COL6A2: variants seen among roughly 807,000 people sequenced by gnomAD.
The protein encoded by COL6A2 is collagen alpha-2(VI) chain.
Under a neutral mutation model 124.9 loss-of-function variants are expected in COL6A2, and 90 were observed. The ratio of observed to expected loss-of-function variants is 0.72; its 90% confidence interval spans 0.61 to 0.86. The LOEUF is 0.86. COL6A2 is among the 40% of genes least tolerant of loss of function. The pLI, the probability that COL6A2 is intolerant of heterozygous loss-of-function variation, is 0.00. For synonymous variants in COL6A2, 793 were observed against 618.2 expected (o/e 1.28, Z -4.19); for missense variants, 1,607 against 1,502.5 (o/e 1.07, Z -1.15).
chr21:46,127,511 C>T (rs2078690901), intron 27 of COL6A2, among the ~76,000 whole-genome samples: 1 of 152,092 alleles, frequency 6.6e-6, no homozygotes, highest in Non-Finnish European at 1.5e-5. Context: ...AGGCGGGCAG[C>T]CTCTGGCCCC....
At chr21:46,120,792 GCTGCACCCCAAAGTAGGGGA>G (rs2078553700) in intron 16 of COL6A2, among the ~76,000 whole-genome samples, 3 of 151,780 alleles carry the variant, frequency 2.0e-5, no homozygotes, top group African/African-American at 7.3e-5. Flanking sequence ...CAAGGCAAGG[GCTGCACCCCAAAGTAGGGGA>G]CCCAGGTGAG....
chr21:46,132,178 C>T lies in COL6A2; in HGVS notation c.2686C>T (p.His896Tyr). ...GCAGCAGGTGGCCTTCCCGCTGAGCCACAACCTCACGGCCATCCACGAGGC... is the reference window on the plus strand; with the variant it reads ...GCAGCAGGTGGCCTTCCCGCTGAGCTACAACCTCACGGCCATCCACGAGGC... The part of the protein sequence containing the change: ...GEQQVAFPLS[H>Y]NLTAIHEALE... Residue 896 changes from histidine to tyrosine, a missense_variant, in exon 28 of 28, where the codon CAC becomes TAC. Physicochemically the swap from His to Tyr is moderately conservative, Grantham distance 83. Around this residue, in one of 3 missense-constraint regions of COL6A2, gnomAD observed 1,223 missense variants for 1,052.2 expected, o/e 1.16. Transcript: ENST00000300527. The T allele has an allele frequency of 6.4e-7, 1 of 1,573,134 alleles. No individual in the cohort carries two copies. The highest frequency in any genetic ancestry group is 8.6e-7 in the Non-Finnish European group (1 of 1,160,492).
intron 26 of COL6A2, 91 bp downstream of exon 26, chr21:46,126,328 G>A (rs2078667200): frequency 2.6e-6 from 4 of 1,539,512 alleles, no homozygotes; most frequent in African/African-American, 1.4e-5. Context: ...TCACCTGAGG[G>A]ATGAATGTGC....
chr21:46,128,529 G>C (rs2078709308), intron 27 of COL6A2, among the ~76,000 whole-genome samples: 1 of 152,176 alleles, frequency 6.6e-6, no homozygotes, highest in South Asian at 2.1e-4. Flanking sequence ...CCACCCCAAA[G>C]CCCAGCCACC....
intron 21 of COL6A2, 101 bp downstream of exon 21, chr21:46,123,038 G>C: frequency 8.3e-7 from 1 of 1,210,418 alleles, no homozygotes; most frequent in Non-Finnish European, 1.2e-6. Flanking sequence ...ACGCCAGGCA[G>C]CTTGGCCCCA....
chr21:46,118,904 C>T (rs2078517756), intron 13 of COL6A2, 126 bp from the exon 14 acceptor site: 2 of 956,278 alleles, frequency 2.1e-6, no homozygotes, highest in African/African-American at 1.6e-5. Flanking sequence ...CCTGCAGGGC[C>T]CCCATGTGCC....
intron 1 of COL6A2, among the ~76,000 whole-genome samples, chr21:46,109,399 G>GA (rs746344386): frequency 2.6e-5 from 4 of 152,212 alleles, no homozygotes; most frequent in Non-Finnish European, 5.9e-5. Context: ...AGGCCCAGAA[G>GA]AAAGCACCTT....
intron 22 of COL6A2, 26 bp downstream of exon 22, chr21:46,124,739 C>T (rs2078632595): frequency 6.2e-7 from 1 of 1,610,644 alleles, no homozygotes; most frequent in African/African-American, 1.3e-5. Context: ...GTCCCCATGC[C>T]CTCCCCCCAA....
rs770721679 is a variant in COL6A2, at chr21:46,126,140, C to A, written c.2325C>A (p.Ile775=). ...EKHESENLYS[I]ACDKPQQVRN... ...ACGAGAGTGAAAACCTCTACTCCATCGCCTGCGACAAGCCACAGCAGGTGC... is the reference window on the plus strand; with the variant it reads ...ACGAGAGTGAAAACCTCTACTCCATAGCCTGCGACAAGCCACAGCAGGTGC... The change falls in exon 26 of 28, where the codon ATC becomes ATA. Residue 775 remains isoleucine, a synonymous_variant. Transcript: ENST00000300527. The A allele has an allele frequency of 6.2e-7, 1 of 1,611,372 alleles. No homozygotes were observed.
At chr21:46,117,351 G>T (rs1394741541) in intron 10 of COL6A2, 49 bp from the exon 11 acceptor site, 8 of 1,579,936 alleles carry the variant, frequency 5.1e-6, no homozygotes, top group Middle Eastern at 1.7e-4. Flanking sequence ...TGGCACACAT[G>T]GACCCCAGAA....
Position 46,132,054 on chromosome 21 carries a change from C to T in COL6A2, c.2562C>T (p.Arg854=), listed in dbSNP as rs764705513. The stretch of plus-strand genomic sequence containing the variant: ...AGCAGAACTTCCACAAGGCCCGGCG[C>T]TTCGTGGAGCAGGTGGCGCGGCGGC... ...LGEQNFHKAR[R]FVEQVARRLT... The change falls in exon 28 of 28, where the codon CGC becomes CGT. Residue 854 remains arginine, a synonymous_variant. Coordinates refer to ENST00000300527, the MANE Select transcript of COL6A2 (RefSeq NM_001849.4). The T allele has an allele frequency of 5.0e-6, 8 of 1,607,226 alleles. No homozygotes were observed. In the South Asian group the frequency reaches 7.7e-5, roughly 15 times the overall value.
chr21:46,124,933 T>TA lies in COL6A2; in HGVS notation c.1770+13_1770+14insA, dbSNP rs2078637032. ...CCCCGGTCTCACGGTAGGTGTCACA[T>TA]GGGGCAGAACCAGTGTCCTTCTCCT... On this transcript the variant is annotated intron_variant, in intron 23 of 27. Transcript: ENST00000300527. 1 of 1,612,604 alleles carries TA rather than the reference T, an allele frequency of 6.2e-7. No homozygotes were observed. The highest frequency in any genetic ancestry group is 8.5e-7 in the Non-Finnish European group (1 of 1,179,954).
At chr21:46,127,941 C>T (rs1038995361) in intron 27 of COL6A2, among the ~76,000 whole-genome samples, 1 of 152,220 alleles carries the variant, frequency 6.6e-6, no homozygotes, top group Non-Finnish European at 1.5e-5. Context: ...GATAAACCCA[C>T]CTGGCCGTGG....
intron 23 of COL6A2, 119 bp from the exon 24 acceptor site, chr21:46,125,147 C>G: frequency 9.0e-7 from 1 of 1,105,774 alleles, no homozygotes; most frequent in Non-Finnish European, 1.4e-6. Context: ...CGCCAGCCTC[C>G]CCGCATGGCT....
chr21:46,130,629 C>T (rs1455953416), intron 27 of COL6A2, among the ~76,000 whole-genome samples: 1 of 152,228 alleles, frequency 6.6e-6, no homozygotes, highest in Non-Finnish European at 1.5e-5. Context: ...CCCGTCTCCT[C>T]CAGGCCCCAC....
Position 46,132,636 on chromosome 21 carries a change from C to A in COL6A2, c.*84C>A, listed in dbSNP as rs2078778464. On this transcript the variant is annotated 3_prime_UTR_variant, in exon 28 of 28. Transcript: ENST00000300527. Reference sequence around the variant, plus strand: ...GCGGGCCCGGGTCCCACACGGCCAGCACCGCTGCTCACTCGGACGACGCCC... The same window carrying A: ...GCGGGCCCGGGTCCCACACGGCCAGAACCGCTGCTCACTCGGACGACGCCC... 2 of 1,325,454 alleles carry A rather than the reference C, an allele frequency of 1.5e-6. No individual in the cohort carries two copies. Among genetic ancestry groups the A allele is most frequent in the Admixed American group, 4.0e-5 (2 of 50,582 alleles). 82.1% of individuals were successfully genotyped at this position (1,325,454 alleles called of 1,614,324 possible).
intron 1 of COL6A2, among the ~76,000 whole-genome samples, chr21:46,104,581 C>G (rs1014893738): frequency 6.6e-6 from 1 of 151,936 alleles, no homozygotes; most frequent in African/African-American, 2.4e-5. Context: ...TGTAGGAGCC[C>G]CAGAAGAAGA....
At chr21:46,109,033 A>G (rs1172803573) in intron 1 of COL6A2, among the ~76,000 whole-genome samples, 1 of 152,148 alleles carries the variant, frequency 6.6e-6, no homozygotes, top group Non-Finnish European at 1.5e-5. Flanking sequence ...TCAAATGTTC[A>G]GCTCTCAGCA....
rs754275746 is a variant in COL6A2, at chr21:46,112,070, C to T, written c.207C>T (p.His69=). The stretch of plus-strand genomic sequence containing the variant: ...CCCCCACGGACATCCTGCTCTTCCA[C>T]ATGAAGCAGTTCGTGCCGCAGTTCA... The part of the protein sequence containing the change: ...MQSPTDILLF[H]MKQFVPQFIS... Residue 69 remains histidine, a synonymous_variant, in exon 3 of 28, where the codon CAC becomes CAT. Transcript: ENST00000300527. The T allele has an allele frequency of 2.5e-6, 4 of 1,613,100 alleles. No homozygotes were observed. In the African/African-American group the frequency reaches 5.3e-5, roughly 22 times the overall value.
Sources: gnomAD v4.1 joint callset for allele counts (sites outside exome capture counted in the v4.1 genomes callset) on GRCh38, gnomAD v4.1.1 for gene constraint, gnomAD v4.1.1 regional missense constraint, MANE v1.5 for transcripts, NCBI Gene and HGNC (gene_info 2026-07-23, HGNC 2026-07-21) for gene names.